The following ATRNL1 variants were observed in gnomAD, a reference collection of about 807,000 sequenced individuals.
The protein encoded by ATRNL1 is attractin like 1.
A neutral mutation model predicts 182.7 loss-of-function variants in ATRNL1; 95 were observed. The observed-to-expected ratio is 0.52, with a 90% CI of 0.44 to 0.62. The LOEUF (loss-of-function observed/expected upper bound fraction) is 0.62, where lower values mean the gene tolerates loss of function less well. ATRNL1 is among the 20% of genes least tolerant of loss of function. The pLI, the probability that ATRNL1 is intolerant of heterozygous loss-of-function variation, is 0.00. For synonymous variants in ATRNL1, 576 were observed against 568.3 expected (o/e 1.01, Z -0.19); for missense variants, 1,471 against 1,679.5 (o/e 0.88, Z 2.17).
intron 28 of ATRNL1, among the ~76,000 whole-genome samples, chr10:115,885,345 C>T (rs1467260112): frequency 3.3e-5 from 5 of 152,144 alleles, no homozygotes; most frequent in Admixed American, 3.3e-4. Flanking sequence ...CAGGAAGATG[C>T]CCACTGTGGT....
intron 26 of ATRNL1, among the ~76,000 whole-genome samples, chr10:115,713,744 C>CTATG (rs1555055482): frequency 2.0e-5 from 3 of 151,794 alleles, no homozygotes; most frequent in Non-Finnish European, 1.5e-5. Context: ...ATCTATCTAT[C>CTATG]TATCTATAGT....
intron 19 of ATRNL1, among the ~76,000 whole-genome samples, chr10:115,355,199 G>T (rs145005614): frequency 1.5e-4 from 23 of 152,236 alleles, no homozygotes; most frequent in Non-Finnish European, 2.2e-4. Flanking sequence ...GATGCTTGTG[G>T]ACATTTGATG....
At chr10:115,667,485 G>A (rs782817215) in intron 26 of ATRNL1, among the ~76,000 whole-genome samples, 1 of 152,078 alleles carries the variant, frequency 6.6e-6, no homozygotes, top group Non-Finnish European at 1.5e-5. Context: ...AGTTGGAGTA[G>A]CTAGAACAGC....
intron 25 of ATRNL1, among the ~76,000 whole-genome samples, chr10:115,529,552 G>A (rs1554987579): frequency 6.7e-6 from 1 of 148,782 alleles, no homozygotes; most frequent in East Asian, 2.0e-4. Context: ...TTTCCTTTTA[G>A]CAGTTTAAGA....
intron 26 of ATRNL1, among the ~76,000 whole-genome samples, chr10:115,579,397 A>C (rs1413979882): frequency 2.0e-5 from 3 of 151,734 alleles, no homozygotes; most frequent in African/African-American, 7.2e-5. Flanking sequence ...TATAATTATT[A>C]TGTCGTCTTG....
intron 27 of ATRNL1, among the ~76,000 whole-genome samples, chr10:115,783,216 C>T (rs1949309945): frequency 8.9e-6 from 1 of 112,980 alleles, no homozygotes; most frequent in Non-Finnish European, 1.8e-5. Flanking sequence ...TCATATTTGT[C>T]TATATGATGC....
chr10:115,536,532 G>T (rs372824982), intron 25 of ATRNL1, among the ~76,000 whole-genome samples: 15 of 152,332 alleles, frequency 9.8e-5, no homozygotes, highest in East Asian at 5.8e-4. Flanking sequence ...TCTTTGACTA[G>T]GTAAGGGAAT....
chr10:115,335,503 C>A (rs550565487), intron 19 of ATRNL1, among the ~76,000 whole-genome samples: 1 of 152,038 alleles, frequency 6.6e-6, no homozygotes, highest in Non-Finnish European at 1.5e-5. Flanking sequence ...TAAATGTTTC[C>A]CAAGTGACTA....
chr10:115,221,993 C>T (rs1378079005), intron 9 of ATRNL1, among the ~76,000 whole-genome samples: 2 of 150,774 alleles, frequency 1.3e-5, no homozygotes, highest in African/African-American at 4.9e-5. Flanking sequence ...TACGAAAAAA[C>T]AACATCCGTT....
intron 8 of ATRNL1, among the ~76,000 whole-genome samples, chr10:115,188,141 A>G (rs1359793083): frequency 6.6e-6 from 1 of 151,990 alleles, no homozygotes; most frequent in African/African-American, 2.4e-5. Context: ...TAAACGGGAA[A>G]AATATTGACA....
intron 26 of ATRNL1, among the ~76,000 whole-genome samples, chr10:115,621,254 A>AATATATATATATATATATAT (rs781830067): frequency 2.1e-4 from 15 of 71,296 alleles, no homozygotes; most frequent in East Asian, 8.7e-4. Flanking sequence ...TTGAGCTCTG[A>AATATATATATATATATATAT]ATATATATAT....
intron 28 of ATRNL1, among the ~76,000 whole-genome samples, chr10:115,881,968 G>C (rs1377021628): frequency 6.6e-6 from 1 of 152,154 alleles, no homozygotes; most frequent in African/African-American, 2.4e-5. Flanking sequence ...CCTGTCACCT[G>C]CAGATTTTTG....
chr10:115,667,198 G>T (rs1861048310), intron 26 of ATRNL1, among the ~76,000 whole-genome samples: 1 of 152,082 alleles, frequency 6.6e-6, no homozygotes, highest in Non-Finnish European at 1.5e-5. Flanking sequence ...TTGGTATGGA[G>T]TATGAGATCA....
intron 26 of ATRNL1, among the ~76,000 whole-genome samples, chr10:115,692,196 AT>A (rs1397694997): frequency 3.3e-5 from 5 of 152,184 alleles, no homozygotes; most frequent in Admixed American, 2.0e-4. Flanking sequence ...GTAAGGCAAA[AT>A]TTTGGCTATT....
chr10:115,734,746 T>G (rs1555064839), intron 27 of ATRNL1, among the ~76,000 whole-genome samples: 1 of 152,120 alleles, frequency 6.6e-6, no homozygotes, highest in Non-Finnish European at 1.5e-5. Context: ...TATTGTGTCT[T>G]TTGGTAATAT....
chr10:115,845,720 T>G (rs2134350240), intron 27 of ATRNL1, among the ~76,000 whole-genome samples: 1 of 151,692 alleles, frequency 6.6e-6, no homozygotes, highest in Admixed American at 6.6e-5. Context: ...TTAACATGCC[T>G]TTGGATATGC....
At chr10:115,411,987 C>T (rs543135420) in intron 20 of ATRNL1, among the ~76,000 whole-genome samples, 2 of 152,190 alleles carry the variant, frequency 1.3e-5, no homozygotes, top group South Asian at 2.1e-4. Context: ...CCATTTCCTT[C>T]CTTGAGTGTG....
chr10:115,291,819 T>TG (rs1452751184), intron 15 of ATRNL1, among the ~76,000 whole-genome samples: 1 of 151,526 alleles, frequency 6.6e-6, no homozygotes, highest in Non-Finnish European at 1.5e-5. Context: ...GGTTTTTTTT[T>TG]TTTTTTTTTT....
chr10:115,896,228 G>C (rs782358771), intron 28 of ATRNL1, among the ~76,000 whole-genome samples: 3 of 152,118 alleles, frequency 2.0e-5, no homozygotes, highest in African/African-American at 7.2e-5. Context: ...GGTTCTGCCT[G>C]TACTATTAAA....
Sources: allele counts gnomAD v4.1 joint callset (sites outside exome capture counted in the v4.1 genomes callset), GRCh38; gene constraint gnomAD v4.1.1; transcripts MANE v1.5; gene names NCBI Gene and HGNC (gene_info 2026-07-23, HGNC 2026-07-21).